Variants in GHR observed in about 807,000 individuals in gnomAD.
GHR encodes the protein GH receptor.
GHR carries 35 observed loss-of-function variants against 67.1 expected under a neutral mutation model. The observed-to-expected ratio is 0.52, with a 90% CI of 0.40 to 0.69. The LOEUF is 0.69. Among genes scored for constraint, GHR ranks in the 30% least tolerant of loss-of-function variants. The pLI is 0.00. For synonymous variants in GHR, 272 were observed against 269.1 expected (o/e 1.01, Z -0.10); for missense variants, 792 against 764.6 (o/e 1.04, Z -0.42).
chr5:42,476,538 G>A (rs557240828), intron 1 of GHR, among the ~76,000 whole-genome samples: 2 of 152,268 alleles, frequency 1.3e-5, no homozygotes, highest in East Asian at 1.9e-4. Flanking sequence ...TTTAAAAATA[G>A]CAAATTCTTA....
At chr5:42,569,060 A>G (rs1750115718) in intron 2 of GHR, among the ~76,000 whole-genome samples, 1 of 152,200 alleles carries the variant, frequency 6.6e-6, no homozygotes, top group African/African-American at 2.4e-5. Context: ...GCTGTGGTGA[A>G]TTACAGCTTC....
At chr5:42,658,064 G>A (rs941928417) in intron 3 of GHR, among the ~76,000 whole-genome samples, 2 of 152,126 alleles carry the variant, frequency 1.3e-5, no homozygotes, top group Admixed American at 6.5e-5. Context: ...TGATAATAAA[G>A]ATGCTTTTCT....
At chr5:42,495,919 A>G (rs1006777613) in intron 1 of GHR, among the ~76,000 whole-genome samples, 9 of 152,210 alleles carry the variant, frequency 5.9e-5, no homozygotes, top group Admixed American at 5.9e-4. Context: ...TTCTTTGGAT[A>G]CATAGATCCA....
At chr5:42,620,505 A>G (rs10076586) in intron 2 of GHR, among the ~76,000 whole-genome samples, 18 of 152,258 alleles carry the variant, frequency 1.2e-4, no homozygotes, top group African/African-American at 3.9e-4. Flanking sequence ...CCAGATATTA[A>G]AAACAAAATT....
At chr5:42,607,515 C>T (rs987431008) in intron 2 of GHR, among the ~76,000 whole-genome samples, 6 of 152,100 alleles carry the variant, frequency 3.9e-5, no homozygotes, top group Non-Finnish European at 8.8e-5. Flanking sequence ...TCTGAGAGAG[C>T]TTATAGTCTG....
chr5:42,615,831 T>C (rs752926040), intron 2 of GHR, among the ~76,000 whole-genome samples: 1 of 151,934 alleles, frequency 6.6e-6, no homozygotes, highest in Non-Finnish European at 1.5e-5. Context: ...TACCCACATA[T>C]GCCAATCTAT....
intron 2 of GHR, among the ~76,000 whole-genome samples, chr5:42,595,262 A>C (rs575950565): frequency 6.6e-5 from 10 of 152,350 alleles, no homozygotes; most frequent in Non-Finnish European, 1.0e-4. Context: ...ATGATGTAGA[A>C]CATACTGTTT....
At chr5:42,426,867 C>T (rs990610662) in intron 1 of GHR, among the ~76,000 whole-genome samples, 1 of 152,064 alleles carries the variant, frequency 6.6e-6, no homozygotes, top group African/African-American at 2.4e-5. Context: ...GGTGCATGAA[C>T]CTCTATCTGT....
rs762938067 is a variant in GHR at position 42,449,672 on chromosome 5, G to A, written c.-12+25717G>A. ...CTCTGGCTAGGACTTCTAGAACTAC[G>A]CTGAATAGAAGTGGTGACAGTGGGC... On this transcript the variant is annotated intron_variant, in intron 1 of 9. Coordinates refer to ENST00000230882, the MANE Select transcript of GHR (RefSeq NM_000163.5). Among the ~76,000 whole-genome samples the A allele has an allele frequency of 3.3e-5, 5 of 152,216 alleles. No homozygotes were observed. In the South Asian group the frequency reaches 6.2e-4, roughly 19 times the overall value.
chr5:42,452,176 TGCAAAATTTTTGA>T (rs1744078713), intron 1 of GHR, among the ~76,000 whole-genome samples: 1 of 152,222 alleles, frequency 6.6e-6, no homozygotes. Context: ...TTTTGCTGGA[TGCAAAATTTTTGA>T]CTGACAATTA....
chr5:42,552,839 A>C (rs902800515), intron 1 of GHR, among the ~76,000 whole-genome samples: 2 of 152,136 alleles, frequency 1.3e-5, no homozygotes, highest in Non-Finnish European at 2.9e-5. Context: ...AAATTATTGC[A>C]CCTGTCTCTG....
At chr5:42,474,305 G>GAAAGAAAGAAAGAAAGA (rs1554054601) in intron 1 of GHR, among the ~76,000 whole-genome samples, 2 of 134,062 alleles carry the variant, frequency 1.5e-5, no homozygotes, top group Admixed American at 1.5e-4. Flanking sequence ...GAGAAAGAAA[G>GAAAGAAAGAAAGAAAGA]AAAGAAAGAA....
intron 1 of GHR, among the ~76,000 whole-genome samples, chr5:42,485,404 T>C (rs1317877837): frequency 1.3e-5 from 2 of 152,196 alleles, no homozygotes; most frequent in Non-Finnish European, 2.9e-5. Context: ...GCCTTCATCA[T>C]AATATGTTTT....
At chr5:42,565,478 C>A (rs995296253) in intron 1 of GHR, 1 of 984,936 alleles carries the variant, frequency 1.0e-6, no homozygotes, top group East Asian at 1.1e-4. Context: ...AGCTCAAGGC[C>A]CCATGCTTTC....
rs143850490 is a variant in GHR, at chr5:42,703,137, C to T, written c.618+3135C>T. Among the ~76,000 whole-genome samples, 45 of 152,130 alleles carry T rather than the reference C, an allele frequency of 3.0e-4. No homozygotes were observed. The East Asian group carries it at 8.7e-3, about 29-fold the overall frequency. On this transcript the variant is annotated intron_variant, in intron 6 of 9. Coordinates refer to ENST00000230882, the MANE Select transcript of GHR (RefSeq NM_000163.5). ...ATATCCAAAAAATCATTGCCCAAAC[C>T]AATGTCATGGAGCTTTTTCCTATAT... is the stretch of plus-strand genomic sequence containing the variant.
chr5:42,567,704 G>A (rs924017559), intron 2 of GHR, among the ~76,000 whole-genome samples: 2 of 151,758 alleles, frequency 1.3e-5, no homozygotes, highest in African/African-American at 2.4e-5. Flanking sequence ...TAAGGATGGG[G>A]CATGATGTTT....
chr5:42,580,729 A>G (rs1423131545), intron 2 of GHR, among the ~76,000 whole-genome samples: 3 of 152,162 alleles, frequency 2.0e-5, no homozygotes, highest in Non-Finnish European at 2.9e-5. Context: ...GTTTTTCTCA[A>G]TCGGTTGGCA....
At chr5:42,455,103 T>C (rs1286449281) in intron 1 of GHR, among the ~76,000 whole-genome samples, 2 of 152,142 alleles carry the variant, frequency 1.3e-5, no homozygotes, top group Non-Finnish European at 2.9e-5. Flanking sequence ...TTCACGTGGC[T>C]CCCTAAATCT....
chr5:42,448,076 A>G lies in GHR; in HGVS notation c.-12+24121A>G, dbSNP rs142971495. Among the ~76,000 whole-genome samples, 448 of 152,088 alleles carry G rather than the reference A, an allele frequency of 2.9e-3. 1 individual carries two copies. The highest frequency in any genetic ancestry group is 9.6e-3 in the African/African-American group (399 of 41,492). On this transcript the variant is annotated intron_variant, in intron 1 of 9. Coordinates refer to ENST00000230882, the MANE Select transcript of GHR (RefSeq NM_000163.5). ...CATGCCCCGCACAAGTGTCTTTTTC[A>G]TATAATGACTTCTTTTCCTTCGAGT... is the stretch of plus-strand genomic sequence containing the variant.
Sources: allele counts gnomAD v4.1 joint callset (sites outside exome capture counted in the v4.1 genomes callset), GRCh38; gene constraint gnomAD v4.1.1; transcripts MANE v1.5; gene names NCBI Gene and HGNC (gene_info 2026-07-23, HGNC 2026-07-21).